The following NPAS2 variants were observed in gnomAD, a reference collection of about 807,000 sequenced individuals.
The protein encoded by NPAS2 is neuronal PAS domain protein 2.
NPAS2 carries 23 observed loss-of-function variants against 107.5 expected under a neutral mutation model. The ratio of observed to expected loss-of-function variants is 0.21; its 90% CI spans 0.15 to 0.30. NPAS2 has a LOEUF of 0.30. NPAS2 is among the 10% of genes least tolerant of loss of function. The pLI, the probability that NPAS2 is intolerant of heterozygous loss-of-function variation, is 1.00. For missense variants in NPAS2, 756 were observed against 1,043.3 expected, an observed-to-expected ratio of 0.72 and a Z score of 3.79; for synonymous variants, 403 against 417.5, an observed-to-expected ratio of 0.97 and a Z score of 0.42.
At chr2:100,883,346 G>A (rs760388578) in intron 1 of NPAS2, among the ~76,000 whole-genome samples, 36 of 152,172 alleles carry the variant, frequency 2.4e-4, no homozygotes, top group African/African-American at 7.2e-4. Flanking sequence ...GGTCAGGGCA[G>A]GTTCACAGCC....
At chr2:100,904,040 C>A (rs138566366) in intron 1 of NPAS2, among the ~76,000 whole-genome samples, 4 of 152,282 alleles carry the variant, frequency 2.6e-5, no homozygotes, top group African/African-American at 9.6e-5. Context: ...TGTGCACCTT[C>A]GCTGTCTCAA....
chr2:100,943,111 T>C (rs1248195407), intron 5 of NPAS2, among the ~76,000 whole-genome samples: 2 of 151,860 alleles, frequency 1.3e-5, no homozygotes, highest in African/African-American at 4.9e-5. Flanking sequence ...TGCCTCCACC[T>C]TTACTAAGTA....
chr2:100,973,186 A>C (rs1157265009), intron 12 of NPAS2, among the ~76,000 whole-genome samples: 1 of 152,206 alleles, frequency 6.6e-6, no homozygotes, highest in Non-Finnish European at 1.5e-5. Context: ...CTCAAAAAAA[A>C]AAAAAATACA....
chr2:100,837,055 T>G (rs930888507), intron 1 of NPAS2, among the ~76,000 whole-genome samples: 1 of 151,992 alleles, frequency 6.6e-6, no homozygotes, highest in Admixed American at 6.6e-5. Context: ...TTACAGACAC[T>G]AGAGCCATAC....
intron 1 of NPAS2, among the ~76,000 whole-genome samples, chr2:100,828,945 T>C (rs1009278009): frequency 2.6e-5 from 4 of 152,172 alleles, no homozygotes; most frequent in African/African-American, 7.2e-5. Context: ...TGACATTGGT[T>C]GTTTGATAGG....
intron 1 of NPAS2, among the ~76,000 whole-genome samples, chr2:100,837,717 A>G (rs1677156087): frequency 6.6e-6 from 1 of 152,206 alleles, no homozygotes; most frequent in Non-Finnish European, 1.5e-5. Flanking sequence ...CTGATTGAAG[A>G]TAAATGGAGT....
intron 3 of NPAS2, among the ~76,000 whole-genome samples, chr2:100,927,278 G>A (rs1683640534): frequency 6.6e-6 from 1 of 152,102 alleles, no homozygotes; most frequent in Non-Finnish European, 1.5e-5. Context: ...ATAGATATTT[G>A]ATCCATTTTG....
At chr2:100,961,876 G>T (rs112976249) in intron 7 of NPAS2, among the ~76,000 whole-genome samples, 3 of 152,298 alleles carry the variant, frequency 2.0e-5, no homozygotes, top group East Asian at 1.9e-4. Flanking sequence ...TTCCTGGGAG[G>T]CCCTCAGAAG....
chr2:100,996,583 G>A lies in NPAS2; in HGVS notation c.*1001G>A, dbSNP rs1166554925. ...TTTCAAAATGCACTTTGCTTTTTTT[G>A]TATGTTTTGTTATGTTGAGATGTTT... is the stretch of plus-strand genomic sequence containing the variant. On this transcript the variant is annotated 3_prime_UTR_variant, in exon 21 of 21. Coordinates refer to ENST00000335681, the MANE Select transcript of NPAS2 (RefSeq NM_002518.4). 2 of 152,484 alleles carry A rather than the reference G, an allele frequency of 1.3e-5. No individual in the cohort carries two copies. Among genetic ancestry groups the A allele is most frequent in the Non-Finnish European group, 2.9e-5 (2 of 68,006 alleles). 9.4% of individuals were successfully genotyped at this position (152,484 alleles called of 1,614,324 possible). A position where few individuals can be genotyped will look rare whatever the true frequency, so the allele number is the denominator to read the frequency against.
chr2:100,927,882 G>A (rs1683687869), intron 3 of NPAS2, among the ~76,000 whole-genome samples: 1 of 152,174 alleles, frequency 6.6e-6, no homozygotes, highest in African/African-American at 2.4e-5. Flanking sequence ...GAACCTATTA[G>A]CAAGCAGGAA....
chr2:100,937,041 C>T (rs1488568365), intron 4 of NPAS2, among the ~76,000 whole-genome samples: 1 of 151,640 alleles, frequency 6.6e-6, no homozygotes, highest in East Asian at 1.9e-4. Context: ...AAGCATTGCC[C>T]ACCTTCAACC....
intron 16 of NPAS2, chr2:100,982,624 C>T (rs1677521503): frequency 5.4e-6 from 3 of 556,010 alleles, no homozygotes; most frequent in Non-Finnish European, 9.7e-6. Flanking sequence ...CACATCTGCT[C>T]ACTGCCTCCA....
At chr2:100,954,262 G>A (rs1382693301) in intron 7 of NPAS2, among the ~76,000 whole-genome samples, 1 of 152,170 alleles carries the variant, frequency 6.6e-6, no homozygotes, top group Non-Finnish European at 1.5e-5. Flanking sequence ...CATACGAAAG[G>A]TACCTGGAAG....
intron 8 of NPAS2, 75 bp from the exon 9 acceptor site, chr2:100,964,786 C>T (rs1024994435): frequency 8.1e-5 from 69 of 851,830 alleles, no homozygotes; most frequent in Non-Finnish European, 1.2e-4. Context: ...ACCCACCACG[C>T]GTTCCTCTTG....
At chr2:100,878,228 C>A (rs1471506037) in intron 1 of NPAS2, 1 of 985,268 alleles carries the variant, frequency 1.0e-6, no homozygotes, top group Middle Eastern at 5.2e-4. Context: ...GAAAGCTGGG[C>A]AGAAGGCAAA....
chr2:100,978,980 A>T (rs1677224755), intron 15 of NPAS2, among the ~76,000 whole-genome samples: 1 of 152,202 alleles, frequency 6.6e-6, no homozygotes, highest in Non-Finnish European at 1.5e-5. Flanking sequence ...TGCCCAGACC[A>T]TGGCCACAGG....
intron 2 of NPAS2, among the ~76,000 whole-genome samples, chr2:100,922,598 A>G (rs547284606): frequency 6.6e-6 from 1 of 152,190 alleles, no homozygotes; most frequent in South Asian, 2.1e-4. Flanking sequence ...ACAAAAACCC[A>G]AAGCCTGGTT....
intron 2 of NPAS2, 49 bp downstream of exon 2, chr2:100,904,835 G>A: frequency 1.4e-6 from 2 of 1,405,468 alleles, no homozygotes; most frequent in Non-Finnish European, 2.0e-6. Flanking sequence ...GGCCCCCGGG[G>A]GTCTGCCTGG....
At chr2:100,903,622 G>A (rs1315950002) in intron 1 of NPAS2, among the ~76,000 whole-genome samples, 3 of 152,320 alleles carry the variant, frequency 2.0e-5, no homozygotes, top group Middle Eastern at 3.4e-3. Flanking sequence ...TGGGAGTTCC[G>A]ACTGAAGACC....
Sources: gnomAD v4.1 joint callset for allele counts (sites outside exome capture counted in the v4.1 genomes callset) on GRCh38, gnomAD v4.1.1 for gene constraint, MANE v1.5 for transcripts, NCBI Gene and HGNC (gene_info 2026-07-23, HGNC 2026-07-21) for gene names.